Variants in AKAP9 observed in about 807,000 individuals in gnomAD.
AKAP9 encodes A-kinase anchor protein 9.
In AKAP9, 311 loss-of-function variants were observed where a neutral mutation model predicts 488.5. The observed-to-expected ratio is 0.64, with a 90% CI of 0.58 to 0.70. The LOEUF is 0.70. Among genes scored for constraint, AKAP9 ranks in the 30% least tolerant of loss-of-function variants. The pLI is 0.00. For synonymous variants in AKAP9, 1,462 were observed against 1,483.5 expected (o/e 0.99, Z 0.33); for missense variants, 4,215 against 4,374.5 (o/e 0.96, Z 1.03).
intron 16 of AKAP9, among the ~76,000 whole-genome samples, chr7:92,036,262 C>T (rs1169713359): frequency 6.6e-6 from 1 of 151,928 alleles, no homozygotes; most frequent in Non-Finnish European, 1.5e-5. Flanking sequence ...TCTTTAGCAA[C>T]ATTTAAGATC....
At chr7:91,991,606 G>A (rs1797764792) in intron 3 of AKAP9, among the ~76,000 whole-genome samples, 2 of 151,948 alleles carry the variant, frequency 1.3e-5, no homozygotes, top group Admixed American at 1.3e-4. Flanking sequence ...CAAGTAGCTG[G>A]GACTACAGGC....
At position 92,095,095 on chromosome 7, in the gene AKAP9, AAG is replaced by A; in HGVS notation, c.9656_9657del (p.Glu3219AlafsTer16). The part of the protein sequence containing the change: ...DTLASEQKKS[R>X]ELQWALEKEK... ...CATTAGCAAGTGAACAGAAAAAATCAAGAGAGCTCCAGTGGGCTTTGGAGAAA... is the reference window on the plus strand; with the variant it reads ...CATTAGCAAGTGAACAGAAAAAATCAAGAGCTCCAGTGGGCTTTGGAGAAA... On this transcript the variant is annotated frameshift_variant, in exon 40 of 50. Coordinates refer to ENST00000356239, the MANE Select transcript of AKAP9 (RefSeq NM_005751.5). LOFTEE classifies it high-confidence loss of function. 3 of 1,614,212 alleles carry A rather than the reference AAG, an allele frequency of 1.9e-6. No homozygotes were observed. Among genetic ancestry groups the A allele is most frequent in the Non-Finnish European group, 2.5e-6 (3 of 1,180,024 alleles).
chr7:92,044,014 A>G (rs1170423127), intron 20 of AKAP9, among the ~76,000 whole-genome samples: 1 of 152,212 alleles, frequency 6.6e-6, no homozygotes, highest in African/African-American at 2.4e-5. Context: ...CTTCTGAATC[A>G]CCATTTATGG....
In AKAP9 at chr7:92,065,353, G is replaced by A. The variant is rs1810599434; in HGVS notation, c.6100G>A (p.Val2034Ile). The A allele has an allele frequency of 1.2e-6, 2 of 1,613,158 alleles. No individual in the cohort carries two copies. Among genetic ancestry groups the A allele is most frequent in the Non-Finnish European group, 1.7e-6 (2 of 1,179,506 alleles). Residue 2034 changes from valine (V) to isoleucine (I), a missense_variant, in exon 25 of 50, where the codon GTC (valine) becomes ATC (isoleucine). By Grantham distance (29) the Val-to-Ile change is conservative. Coordinates refer to ENST00000356239, the MANE Select transcript of AKAP9 (RefSeq NM_005751.5). ...KALEIDVEEQVSRFIELEQEK... is the reference protein window; with the variant it reads ...KALEIDVEEQISRFIELEQEK... ...TCTAGAAATAGATGTGGAAGAACAA[G>A]TCAGTAGGTTTATAGAGCTGGAACA... is the stretch of plus-strand genomic sequence containing the variant.
At chr7:92,060,629 G>A (rs1352488185) in intron 22 of AKAP9, among the ~76,000 whole-genome samples, 2 of 152,072 alleles carry the variant, frequency 1.3e-5, no homozygotes, top group Non-Finnish European at 2.9e-5. Context: ...CTGTGTTTAT[G>A]GTTAATGTCT....
intron 14 of AKAP9, among the ~76,000 whole-genome samples, chr7:92,025,045 T>C (rs564364082): frequency 3.9e-5 from 6 of 152,328 alleles, no homozygotes; most frequent in Admixed American, 3.3e-4. Flanking sequence ...TGGAGAGTCA[T>C]ACTCAATAGC....
chr7:92,084,806 T>A lies in AKAP9; in HGVS notation c.8711-13T>A. ...TTTTTTTTTTTAACAGCAAATTATTTTCTTTATTTTAGATTCTGGATCAGA... is the reference window on the plus strand; with the variant it reads ...TTTTTTTTTTTAACAGCAAATTATTATCTTTATTTTAGATTCTGGATCAGA... On this transcript the variant is annotated splice_polypyrimidine_tract_variant and intron_variant, in intron 34 of 49. Transcript: ENST00000356239. 6.2e-7 allele frequency: 1 copy of A among 1,611,958 alleles called. No homozygotes were observed.
intron 17 of AKAP9, among the ~76,000 whole-genome samples, chr7:92,040,082 A>T (rs11983077): frequency 1.3e-5 from 2 of 152,240 alleles, no homozygotes; most frequent in East Asian, 3.8e-4. Context: ...AATTATTTGT[A>T]TAAGTAACAT....
At position 91,940,951 on chromosome 7, in the gene AKAP9, C is replaced by G; in HGVS notation, c.-149C>G. The G allele has an allele frequency of 1.2e-6, 1 of 824,240 alleles. No homozygotes were observed. The highest frequency in any genetic ancestry group is 2.5e-5 in the East Asian group (1 of 40,496). 51.1% of individuals were successfully genotyped at this position (824,240 alleles called of 1,614,324 possible). A position where few individuals can be genotyped will look rare whatever the true frequency, so the allele number is the denominator to read the frequency against. On this transcript the variant is annotated 5_prime_UTR_variant, in exon 1 of 50. Transcript: ENST00000356239. Reference sequence around the variant, plus strand: ...GACGATCCGCCAGTGAGCGCGGAGACTGCTTCCACTTCGGGCGGGGGAGCG... The same window carrying G: ...GACGATCCGCCAGTGAGCGCGGAGAGTGCTTCCACTTCGGGCGGGGGAGCG...
At chr7:91,992,068 C>A in intron 3 of AKAP9, 90 bp from the exon 4 acceptor site, 3 of 1,045,970 alleles carry the variant, frequency 2.9e-6, no homozygotes, top group Non-Finnish European at 4.5e-6. Flanking sequence ...GAATAAAAGA[C>A]ATACACGTGA....
At position 91,995,693 on chromosome 7, in the gene AKAP9, C is replaced by G; in HGVS notation, c.823C>G (p.Gln275Glu). The G allele has an allele frequency of 6.2e-7, 1 of 1,613,982 alleles. No homozygotes were observed. The highest frequency in any genetic ancestry group is 8.5e-7 in the Non-Finnish European group (1 of 1,179,874). Residue 275 changes from glutamine (Q) to glutamate (E), a missense_variant, in exon 7 of 50, where the codon CAG becomes GAG. Around this residue, in one of 5 missense-constraint regions of AKAP9, gnomAD observed 2,361 missense variants for 2,430.0 expected, o/e 0.97. Transcript: ENST00000356239. ...QAKQQILTHQ[Q>E]QLEEQDHLLE... The stretch of plus-strand genomic sequence containing the variant: ...CAAACAACAGATCCTCACTCATCAA[C>G]AGCAGCTTGAAGAACAAGACCACTT...
At chr7:92,012,115 A>G (rs2130701307) in intron 8 of AKAP9, among the ~76,000 whole-genome samples, 1 of 152,328 alleles carries the variant, frequency 6.6e-6, no homozygotes, top group South Asian at 2.1e-4. Flanking sequence ...GGTTGTGAGT[A>G]CATAAATGTT....
In AKAP9 at chr7:92,029,951, CT is replaced by C; in HGVS notation, c.4206del (p.Gly1403GlufsTer4). 6.2e-7 allele frequency: 1 copy of C among 1,612,972 alleles called. No individual in the cohort carries two copies. Among genetic ancestry groups the C allele is most frequent in the Non-Finnish European group, 8.5e-7 (1 of 1,179,290 alleles). On this transcript the variant is annotated frameshift_variant, in exon 15 of 50. Coordinates refer to ENST00000356239, the MANE Select transcript of AKAP9 (RefSeq NM_005751.5). LOFTEE classifies it high-confidence loss of function. Reference protein sequence around the residue: ...TESDAQRTMYPGSCVKKNIDG... With the variant: ...TESDAQRTMYXGSCVKKNIDG... ...TCTGATGCACAGAGAACAATGTACCCTGGAAGTTGTGTGAAAAAGAATATTG... is the reference window on the plus strand; with the variant it reads ...TCTGATGCACAGAGAACAATGTACCCGGAAGTTGTGTGAAAAAGAATATTG...
At chr7:92,032,981 T>C (rs1804539683) in intron 16 of AKAP9, among the ~76,000 whole-genome samples, 1 of 151,114 alleles carries the variant, frequency 6.6e-6, no homozygotes. Flanking sequence ...CTCAGCGTTT[T>C]ATATGTTGAA....
At chr7:92,032,466 A>G (rs969240654) in intron 16 of AKAP9, among the ~76,000 whole-genome samples, 12 of 151,308 alleles carry the variant, frequency 7.9e-5, no homozygotes, top group African/African-American at 2.9e-4. Flanking sequence ...ATTGTACTCC[A>G]GCTTGGCCAA....
At chr7:91,951,809 C>T (rs539307290) in intron 1 of AKAP9, among the ~76,000 whole-genome samples, 3 of 152,068 alleles carry the variant, frequency 2.0e-5, no homozygotes, top group East Asian at 1.9e-4. Context: ...TTGTCTCACA[C>T]GCTTGCAGTG....
At chr7:91,955,834 G>A (rs550955821) in intron 1 of AKAP9, among the ~76,000 whole-genome samples, 62 of 152,158 alleles carry the variant, frequency 4.1e-4, no homozygotes, top group African/African-American at 1.4e-3. Context: ...GGGTCTCGCC[G>A]TGTTGGCCAG....
rs775991910 is a variant in AKAP9, at chr7:92,086,384, C to T, written c.9181C>T (p.Leu3061=). The T allele has an allele frequency of 3.7e-5, 60 of 1,613,852 alleles. No homozygotes were observed. Among genetic ancestry groups the T allele is most frequent in the Middle Eastern group, 3.3e-4 (2 of 6,084 alleles). The change falls in exon 37 of 50, where the codon CTA becomes TTA. Residue 3061 remains leucine, a synonymous_variant. Transcript: ENST00000356239. ...ALGTTDAVGL[L]NCLEQRIQEQ... ...AGGTACTACAGATGCAGTTGGTTTA[C>T]TAAACTGTTTGGAACAGAGAATACA...
chr7:91,975,867 G>GT (rs1365235177), intron 2 of AKAP9, among the ~76,000 whole-genome samples: 9 of 146,740 alleles, frequency 6.1e-5, no homozygotes, highest in Non-Finnish European at 1.2e-4. Context: ...AAATGTTGAG[G>GT]TTTTTTTGTT....
Sources: allele counts gnomAD v4.1 joint callset (sites outside exome capture counted in the v4.1 genomes callset), GRCh38; gene constraint gnomAD v4.1.1; regional missense constraint gnomAD v4.1.1; transcripts MANE v1.5; gene names NCBI Gene and HGNC (gene_info 2026-07-23, HGNC 2026-07-21).